The following FNDC3B variants were observed in gnomAD, a reference collection of about 807,000 sequenced individuals.
FNDC3B encodes the protein fibronectin type III domain-containing protein 3B.
Under a neutral mutation model 151.5 loss-of-function variants are expected in FNDC3B, and 12 were observed. The observed-to-expected ratio is 0.08, with a 90% confidence interval of 0.05 to 0.13. The LOEUF is 0.13. Ranked by LOEUF, FNDC3B falls within the 10% of genes least tolerant of loss-of-function variation. The pLI is 1.00. For missense variants in FNDC3B, 1,214 were observed against 1,505.3 expected, an observed-to-expected ratio of 0.81 and a Z score of 3.20; for synonymous variants, 528 against 549.0, an observed-to-expected ratio of 0.96 and a Z score of 0.54.
At chr3:172,239,051 T>G (rs1020837937) in intron 4 of FNDC3B, among the ~76,000 whole-genome samples, 2 of 84,568 alleles carry the variant, frequency 2.4e-5, no homozygotes, top group African/African-American at 2.7e-4. Flanking sequence ...TATAATTAAT[T>G]TATTTTTTTT....
chr3:172,327,667 G>A (rs1191986617), intron 11 of FNDC3B, among the ~76,000 whole-genome samples: 1 of 152,228 alleles, frequency 6.6e-6, no homozygotes, highest in Non-Finnish European at 1.5e-5. Context: ...ACCTCCCAAA[G>A]TGCTGGGATT....
intron 22 of FNDC3B, among the ~76,000 whole-genome samples, chr3:172,359,953 C>T (rs1734286401): frequency 6.6e-6 from 1 of 152,136 alleles, no homozygotes. Flanking sequence ...AGTAGAGCTG[C>T]TGTAAACATT....
chr3:172,299,991 G>A (rs950591130), intron 9 of FNDC3B, among the ~76,000 whole-genome samples: 7 of 152,222 alleles, frequency 4.6e-5, no homozygotes, highest in Non-Finnish European at 7.3e-5. Context: ...ATCAGAGTAA[G>A]TTGTTTTGTT....
chr3:172,128,913 C>CAT (rs112132025), intron 2 of FNDC3B, among the ~76,000 whole-genome samples: 7,502 of 152,236 alleles, frequency 0.049, 568 homozygotes, highest in African/African-American at 0.17. Flanking sequence ...GGATTTAACG[C>CAT]TTAAAAATGC....
intron 1 of FNDC3B, among the ~76,000 whole-genome samples, chr3:172,078,630 A>G (rs1349513859): frequency 1.3e-5 from 2 of 152,266 alleles, no homozygotes; most frequent in African/African-American, 4.8e-5. Context: ...AATGAGCAGT[A>G]GGCTGATCGG....
chr3:172,330,582 T>C lies in FNDC3B; in HGVS notation c.1421T>C (p.Ile474Thr). The part of the protein sequence containing the change: ...QEVVCYTLGN[I>T]PQMPSAPRLV... ...GTGGTGTGCTACACATTAGGAAATA[T>C]CCCTCAGATGCCTTCTGCACCAAGG... The change falls in exon 13 of 26, where the codon ATC (isoleucine) becomes ACC (threonine). Residue 474 changes from isoleucine (I) to threonine (T), a missense_variant. Physicochemically the swap from Ile to Thr is moderately conservative, Grantham distance 89 (BLOSUM62 -1). This residue lies in a region of FNDC3B where 111 missense variants were observed against 96.8 expected (regional missense o/e 1.15). Transcript: ENST00000415807. The C allele has an allele frequency of 6.2e-7, 1 of 1,614,130 alleles. No individual in the cohort carries two copies.
At chr3:172,381,213 T>C in intron 25 of FNDC3B, 120 bp downstream of exon 25, 2 of 1,078,770 alleles carry the variant, frequency 1.9e-6, no homozygotes, top group South Asian at 3.0e-5. Context: ...AGAAACTGCC[T>C]AACTTGTACT....
chr3:172,382,311 A>T (rs1735490723), intron 25 of FNDC3B, among the ~76,000 whole-genome samples: 1 of 151,876 alleles, frequency 6.6e-6, no homozygotes, highest in African/African-American at 2.4e-5. Flanking sequence ...CCACTTTTTG[A>T]TGGGGTGGTT....
rs1280789628 is a variant in FNDC3B, at chr3:172,347,235, C to T, written c.2388C>T (p.Asp796=). ...GWESPDSSGA[D]ISEYRLEWGE... ...AGAGTCCTGATAGTTCTGGTGCTGA[C>T]ATCTCAGAGTACAGGTTGGAATGGG... Residue 796 remains aspartate (D), a synonymous_variant, in exon 21 of 26, where the codon GAC becomes GAT. Coordinates refer to ENST00000415807, the MANE Select transcript of FNDC3B (RefSeq NM_022763.4). The T allele has an allele frequency of 6.2e-7, 1 of 1,613,516 alleles. No individual in the cohort carries two copies. Among genetic ancestry groups the T allele is most frequent in the Non-Finnish European group, 8.5e-7 (1 of 1,179,770 alleles).
chr3:172,114,872 C>A (rs1720167887), intron 2 of FNDC3B, among the ~76,000 whole-genome samples: 2 of 152,134 alleles, frequency 1.3e-5, no homozygotes, highest in South Asian at 4.1e-4. Flanking sequence ...TGGGGGTACA[C>A]TTAAAAAATC....
intron 1 of FNDC3B, among the ~76,000 whole-genome samples, chr3:172,057,417 A>G (rs1255350509): frequency 6.6e-6 from 1 of 152,204 alleles, no homozygotes; most frequent in Admixed American, 6.5e-5. Flanking sequence ...TTGAAATGAC[A>G]TGGAATGTTT....
intron 7 of FNDC3B, among the ~76,000 whole-genome samples, chr3:172,290,910 C>G (rs1157369089): frequency 6.6e-6 from 1 of 152,100 alleles, no homozygotes; most frequent in African/African-American, 2.4e-5. Context: ...TTAGTGTACT[C>G]TTTAATTAGA....
chr3:172,284,787 A>G (rs1250489619), intron 6 of FNDC3B, among the ~76,000 whole-genome samples: 3 of 149,780 alleles, frequency 2.0e-5, no homozygotes, highest in East Asian at 2.0e-4. Context: ...GTAATTGCCT[A>G]TTTGGTTTCA....
At chr3:172,068,808 C>T (rs923596584) in intron 1 of FNDC3B, among the ~76,000 whole-genome samples, 7 of 152,166 alleles carry the variant, frequency 4.6e-5, no homozygotes, top group African/African-American at 1.7e-4. Context: ...TTGCTATGTG[C>T]CAGACACTGT....
At chr3:172,156,770 A>G (rs548357320) in intron 3 of FNDC3B, among the ~76,000 whole-genome samples, 14 of 151,580 alleles carry the variant, frequency 9.2e-5, no homozygotes, top group African/African-American at 3.2e-4. Context: ...GCAGCTAATT[A>G]ATCTGTTTGA....
At chr3:172,289,217 G>A (rs577957053) in intron 7 of FNDC3B, among the ~76,000 whole-genome samples, 9 of 152,228 alleles carry the variant, frequency 5.9e-5, no homozygotes, top group Non-Finnish European at 8.8e-5. Flanking sequence ...TGCATCCCTT[G>A]GCTTTGTCTG....
At chr3:172,152,578 C>CTTTT (rs10662326) in intron 3 of FNDC3B, among the ~76,000 whole-genome samples, 53,796 of 124,780 alleles carry the variant, frequency 0.43, 12,506 homozygotes, top group Non-Finnish European at 0.52. Context: ...ATGGGAAGGG[C>CTTTT]TTTTTTTTTT....
At chr3:172,325,679 G>T (rs760581395) in intron 11 of FNDC3B, among the ~76,000 whole-genome samples, 3 of 151,942 alleles carry the variant, frequency 2.0e-5, no homozygotes, top group Non-Finnish European at 4.4e-5. Flanking sequence ...AGAGCCTGGC[G>T]CAGTAGACAG....
At chr3:172,189,735 A>G (rs1724403424) in intron 3 of FNDC3B, among the ~76,000 whole-genome samples, 1 of 134,518 alleles carries the variant, frequency 7.4e-6, no homozygotes, top group Non-Finnish European at 1.5e-5. Flanking sequence ...TGGGAGGTTG[A>G]GGCTGCAGTG....
Sources: allele counts gnomAD v4.1 joint callset (sites outside exome capture counted in the v4.1 genomes callset), GRCh38; gene constraint gnomAD v4.1.1; regional missense constraint gnomAD v4.1.1; transcripts MANE v1.5; gene names NCBI Gene and HGNC (gene_info 2026-07-23, HGNC 2026-07-21).